NPM1: variants seen among roughly 807,000 people sequenced by gnomAD.
NPM1 encodes the protein nucleophosmin.
In NPM1, 1 loss-of-function variant was observed where a neutral mutation model predicts 44.1. The observed-to-expected ratio is 0.02, with a 90% CI of 0.01 to 0.11. NPM1 has a LOEUF of 0.11. Among genes scored for constraint, NPM1 ranks in the 10% least tolerant of loss-of-function variants. NPM1 has a pLI of 1.00. For missense variants in NPM1, 197 were observed against 347.8 expected, an observed-to-expected ratio of 0.57 and a Z score of 3.45; for synonymous variants, 126 against 111.8, an observed-to-expected ratio of 1.13 and a Z score of -0.80.
chr5:171,388,040 CG>C, intron 1 of NPM1, 34 bp downstream of exon 1: 1 of 767,730 alleles, frequency 1.3e-6, no homozygotes, highest in Non-Finnish European at 2.1e-6. Context: ...CGAGGCCGAG[CG>C]GGGCCTGGTG....
Position 171,405,417 on chromosome 5 carries a change from T to C in NPM1, c.771+14T>C. 1.6e-6 allele frequency: 2 copies of C among 1,284,510 alleles called. No individual in the cohort carries two copies. The highest frequency in any genetic ancestry group is 2.3e-5 in the East Asian group (1 of 43,116). The allele number at this position is 1,284,510 out of a possible 1,614,324, so 79.6% of individuals were successfully genotyped here. A position where few individuals can be genotyped will look rare whatever the true frequency, so the allele number is the denominator to read the frequency against. On this transcript the variant is annotated intron_variant, in intron 9 of 10. Coordinates refer to ENST00000296930, the MANE Select transcript of NPM1 (RefSeq NM_002520.7). ...AGTATAGAAAAAGTGAGTAAAGTTA[T>C]CTTAAAAAAACTTTGTCTCCCCCCT...
At position 171,408,497 on chromosome 5, in the gene NPM1, T is replaced by C. The variant is rs75724570; in HGVS notation, c.846+723T>C. Among the ~76,000 whole-genome samples, 1,132 of 152,318 alleles carry C rather than the reference T, an allele frequency of 7.4e-3. 15 individuals carry two copies. The highest frequency in any genetic ancestry group is 0.026 in the African/African-American group (1,084 of 41,570). ...AAAATTTGGCAATTAGCTGGTTTTTTTTCTGCCATAGTATTTTGCACTTCA... is the reference window on the plus strand; with the variant it reads ...AAAATTTGGCAATTAGCTGGTTTTTCTTCTGCCATAGTATTTTGCACTTCA... On this transcript the variant is annotated intron_variant, in intron 10 of 10. Transcript: ENST00000296930.
intron 4 of NPM1, 37 bp downstream of exon 4, chr5:171,391,836 CCT>C: frequency 7.7e-7 from 1 of 1,302,240 alleles, no homozygotes; most frequent in Non-Finnish European, 1.1e-6. Flanking sequence ...CTTAGTTTGT[CCT>C]CTTTAGTGCA....
intron 6 of NPM1, among the ~76,000 whole-genome samples, chr5:171,399,280 G>T (rs535236868): frequency 1.3e-5 from 2 of 152,084 alleles, no homozygotes; most frequent in East Asian, 3.9e-4. Flanking sequence ...TTGAGATAGG[G>T]TCTTGCTCTG....
In NPM1 at chr5:171,387,865, T is replaced by C; in HGVS notation, c.-84T>C. 1 of 1,289,612 alleles carries C rather than the reference T, an allele frequency of 7.8e-7. No individual in the cohort carries two copies. Among genetic ancestry groups the C allele is most frequent in the Non-Finnish European group, 1.1e-6 (1 of 890,622 alleles). The allele number at this position is 1,289,612 out of a possible 1,614,324, so 79.9% of individuals were successfully genotyped here. On this transcript the variant is annotated 5_prime_UTR_variant, in exon 1 of 11. Transcript: ENST00000296930. The stretch of plus-strand genomic sequence containing the variant: ...GCCTGCGTCCTTTCCCTGGTGTGAT[T>C]CCGTCCTGCGCGGTTGTTCTCTGGA...
chr5:171,392,586 CTTTT>C (rs34475806), intron 4 of NPM1, 120 bp from the exon 5 acceptor site: 13,277 of 442,518 alleles, frequency 0.03, 11 homozygotes, highest in South Asian at 0.078. Context: ...CCCATGTGCT[CTTTT>C]TTTTTTTTTT....
In NPM1 at chr5:171,399,638, A is replaced by G. The variant is rs181123517; in HGVS notation, c.525-515A>G. Among the ~76,000 whole-genome samples the G allele has an allele frequency of 3.5e-3, 531 of 151,884 alleles. 1 individual carries two copies. Among genetic ancestry groups the G allele is most frequent in the Non-Finnish European group, 5.7e-3 (384 of 67,958 alleles). On this transcript the variant is annotated intron_variant, in intron 6 of 10. Coordinates refer to ENST00000296930, the MANE Select transcript of NPM1 (RefSeq NM_002520.7). ...ACCTGTATATTCGGGGAGTGTTTCCATCTTGGCAATATCTGAACATGGAAT... is the reference window on the plus strand; with the variant it reads ...ACCTGTATATTCGGGGAGTGTTTCCGTCTTGGCAATATCTGAACATGGAAT...
chr5:171,409,371 G>A (rs1276070598), intron 10 of NPM1, among the ~76,000 whole-genome samples: 3 of 151,900 alleles, frequency 2.0e-5, no homozygotes. Flanking sequence ...AGGCAACATG[G>A]CAAAACTCTG....
At chr5:171,410,112 T>TC (rs1771751123) in intron 10 of NPM1, among the ~76,000 whole-genome samples, 1 of 152,220 alleles carries the variant, frequency 6.6e-6, no homozygotes, top group Admixed American at 6.5e-5. Flanking sequence ...TATAGTTTTT[T>TC]CTAAATGTAC....
At chr5:171,392,106 C>T (rs540375871) in intron 4 of NPM1, among the ~76,000 whole-genome samples, 2 of 152,138 alleles carry the variant, frequency 1.3e-5, no homozygotes, top group East Asian at 1.9e-4. Flanking sequence ...AGTCCAGTTG[C>T]GTTTCATAGT....
intron 6 of NPM1, among the ~76,000 whole-genome samples, chr5:171,395,571 G>A (rs552491903): frequency 1.3e-5 from 2 of 152,256 alleles, no homozygotes; most frequent in East Asian, 3.9e-4. Context: ...ACCGCCGCAA[G>A]TTTTCATATA....
chr5:171,409,253 A>G (rs544957172), intron 10 of NPM1, among the ~76,000 whole-genome samples: 1 of 152,322 alleles, frequency 6.6e-6, no homozygotes, highest in African/African-American at 2.4e-5. Context: ...CCTGTTTTTG[A>G]CATAGAGATG....
At position 171,392,032 on chromosome 5, in the gene NPM1, G is replaced by A. The variant is rs182085382; in HGVS notation, c.352+233G>A. Among the ~76,000 whole-genome samples the A allele has an allele frequency of 7.2e-5, 11 of 152,068 alleles. No individual in the cohort carries two copies. The East Asian group carries it at 1.4e-3, about 19-fold the overall frequency. On this transcript the variant is annotated intron_variant, in intron 4 of 10. Transcript: ENST00000296930. ...GATCTTGGCTCACTGGAACCTCTCC[G>A]GGATTCAAGCGATCCTCCTGTCTCA...
intron 9 of NPM1, among the ~76,000 whole-genome samples, chr5:171,406,029 A>G (rs1324842263): frequency 6.6e-6 from 1 of 152,136 alleles, no homozygotes; most frequent in African/African-American, 2.4e-5. Flanking sequence ...TTTGAGTAGG[A>G]TATGGAATAA....
At position 171,398,814 on chromosome 5, in the gene NPM1, G is replaced by A. The variant is rs557634914; in HGVS notation, c.525-1339G>A. Among the ~76,000 whole-genome samples the A allele has an allele frequency of 8.5e-5, 13 of 152,322 alleles. 1 individual carries two copies. The highest frequency in any genetic ancestry group is 3.1e-4 in the African/African-American group (13 of 41,582). On this transcript the variant is annotated intron_variant, in intron 6 of 10. Coordinates refer to ENST00000296930, the MANE Select transcript of NPM1 (RefSeq NM_002520.7). ...TGTTTCTGGACTGTTCTGTTGATGTGTCTATCCTTAACATGTAAGAACAGT... is the reference window on the plus strand; with the variant it reads ...TGTTTCTGGACTGTTCTGTTGATGTATCTATCCTTAACATGTAAGAACAGT...
chr5:171,387,858 G>A lies in NPM1; in HGVS notation c.-91G>A. ...GCGGGGAGCCTGCGTCCTTTCCCTG[G>A]TGTGATTCCGTCCTGCGCGGTTGTT... is the stretch of plus-strand genomic sequence containing the variant. On this transcript the variant is annotated 5_prime_UTR_variant, in exon 1 of 11. In the 5' UTR this introduces an upstream ATG that the reference lacks. Transcript: ENST00000296930. 2.5e-6 allele frequency: 3 copies of A among 1,205,290 alleles called. No homozygotes were observed. Among genetic ancestry groups the A allele is most frequent in the South Asian group, 1.2e-5 (1 of 81,120 alleles). 74.7% of individuals were successfully genotyped at this position (1,205,290 alleles called of 1,614,324 possible).
At position 171,392,963 on chromosome 5, in the gene NPM1, A is replaced by C; in HGVS notation, c.509A>C (p.Glu170Ala). 6.2e-7 allele frequency: 1 copy of C among 1,609,916 alleles called. No homozygotes were observed. Among genetic ancestry groups the C allele is most frequent in the Non-Finnish European group, 8.5e-7 (1 of 1,176,356 alleles). The change falls in exon 6 of 11, where the codon GAG (glutamate) becomes GCG (alanine). Residue 170 changes from glutamate (E) to alanine (A), a missense_variant. This residue lies in a region of NPM1 where 91 missense variants were observed against 94.0 expected (regional missense o/e 0.97). Transcript: ENST00000296930. ...GAAGATGATGACGATGATGATGAAG[A>C]GGATGATGATGAAGAGTAAGTATGA... ...ADEDDDDDDE[E>A]DDDEDDDDDD...
chr5:171,390,426 T>G (rs1002714184), intron 2 of NPM1, among the ~76,000 whole-genome samples: 43 of 152,224 alleles, frequency 2.8e-4, no homozygotes, highest in African/African-American at 9.6e-4. Flanking sequence ...TACCAGAGAC[T>G]AGCCTTCTGC....
chr5:171,388,632 C>T (rs1296034308), intron 1 of NPM1, among the ~76,000 whole-genome samples: 1 of 152,190 alleles, frequency 6.6e-6, no homozygotes, highest in African/African-American at 2.4e-5. Context: ...ATCCGGGACT[C>T]ACCGGCGTGT....
Sources: gnomAD v4.1 joint callset for allele counts (sites outside exome capture counted in the v4.1 genomes callset) on GRCh38, gnomAD v4.1.1 for gene constraint, gnomAD v4.1.1 regional missense constraint, MANE v1.5 for transcripts, NCBI Gene and HGNC (gene_info 2026-07-23, HGNC 2026-07-21) for gene names.